GNB1L: variants seen among roughly 807,000 people sequenced by gnomAD.
GNB1L encodes guanine nucleotide-binding protein subunit beta-like protein 1.
Under a neutral mutation model 29.1 loss-of-function variants are expected in GNB1L, and 20 were observed. That is an observed-to-expected ratio of 0.69 (90% CI 0.48 to 1.00). The LOEUF is 1.00. GNB1L is among the 50% of genes least tolerant of loss of function. The pLI is 0.00. For synonymous variants in GNB1L, 193 were observed against 206.5 expected (o/e 0.93, Z 0.56); for missense variants, 421 against 464.9 (o/e 0.91, Z 0.87).
chr22:19,816,408 C>T lies in GNB1L; in HGVS notation c.255-3961G>A, dbSNP rs1050721294. Among the ~76,000 whole-genome samples, 1 of 152,170 alleles carries T rather than the reference C, an allele frequency of 6.6e-6. No individual in the cohort carries two copies. Among genetic ancestry groups the T allele is most frequent in the Non-Finnish European group, 1.5e-5 (1 of 68,020 alleles). On this transcript the variant is annotated intron_variant, in intron 4 of 7. Coordinates refer to ENST00000329517, the MANE Select transcript of GNB1L (RefSeq NM_053004.3). This position sits in a 1 kb window ranked among gnomAD's most constrained non-coding sequence, Gnocchi z 4.4. ...AGTCCCTGCAGGCTGGCTCAGAATC[C>T]TCTGACGTGGCCATCTGCGAGATGT...
At chr22:19,805,788 AAAAT>A (rs1050000640) in intron 6 of GNB1L, among the ~76,000 whole-genome samples, 11 of 151,800 alleles carry the variant, frequency 7.2e-5, no homozygotes, top group African/African-American at 1.7e-4. Context: ...TCACAAAAAA[AAAAT>A]AAATAAATAA....
rs188182454 is a variant in GNB1L at position 19,849,412 on chromosome 22, A to G, written c.-21+5031T>C. On this transcript the variant is annotated intron_variant, in intron 2 of 7. Transcript: ENST00000329517. ...GGATGGAGTTTCACTCTTGTTGTCC[A>G]GGCTGGAGTGCAATGGCGTGATCTC... 3.8e-3 allele frequency: 2,247 copies of G among 587,350 alleles called. 11 individuals are homozygous for G. Among genetic ancestry groups the G allele is most frequent in the Non-Finnish European group, 4.5e-3 (2,113 of 469,498 alleles). 36.4% of individuals were successfully genotyped at this position (587,350 alleles called of 1,614,324 possible). A position where few individuals can be genotyped will look rare whatever the true frequency, so the allele number is the denominator to read the frequency against.
At chr22:19,819,148 A>C (rs1014118614) in intron 4 of GNB1L, among the ~76,000 whole-genome samples, 10 of 152,102 alleles carry the variant, frequency 6.6e-5, no homozygotes, top group Non-Finnish European at 1.0e-4. Flanking sequence ...ACTGTCCTTC[A>C]CCACACTCAG....
Position 19,821,312 on chromosome 22 carries a change from A to C in GNB1L, c.44T>G (p.Val15Gly). The change falls in exon 3 of 8, where the codon GTC (valine) becomes GGC (glycine). Residue 15 changes from valine to glycine, a missense_variant. Val to Gly is a moderately radical substitution (Grantham distance 109). Transcript: ENST00000329517. Reference sequence around the variant, plus strand: ...CACCGGTGACTGGGTGCCTCGGAGGACAAACTGGGGGTCTGGAGGTGGCGG... The same window carrying C: ...CACCGGTGACTGGGTGCCTCGGAGGCCAAACTGGGGGTCTGGAGGTGGCGG... ...CPPPPPDPQF[V>G]LRGTQSPVHA... 1 of 1,613,284 alleles carries C rather than the reference A, an allele frequency of 6.2e-7. No individual in the cohort carries two copies. Among genetic ancestry groups the C allele is most frequent in the Non-Finnish European group, 8.5e-7 (1 of 1,179,770 alleles).
At chr22:19,852,173 A>C (rs761608833) in intron 2 of GNB1L, 3 of 1,613,996 alleles carry the variant, frequency 1.9e-6, no homozygotes, top group Admixed American at 3.3e-5. Context: ...CGCCTTGTCC[A>C]TCTGCTGCCA....
intron 2 of GNB1L, chr22:19,850,847 C>A: frequency 3.1e-6 from 4 of 1,306,312 alleles, no homozygotes; most frequent in Non-Finnish European, 3.9e-6. Context: ...AAAGATGATG[C>A]AACTATCTGC....
intron 2 of GNB1L, among the ~76,000 whole-genome samples, chr22:19,824,934 G>A (rs905549462): frequency 3.3e-5 from 5 of 152,166 alleles, no homozygotes; most frequent in South Asian, 2.1e-4. Context: ...CTGGGCCCCC[G>A]CCCTGCCCTC....
At chr22:19,850,398 G>A in intron 2 of GNB1L, 1 of 989,918 alleles carries the variant, frequency 1.0e-6, no homozygotes, top group South Asian at 4.7e-5. Context: ...TGCGAGTGCG[G>A]AGTGAGCAGG....
At chr22:19,790,571 G>A (rs1937242701) in intron 7 of GNB1L, among the ~76,000 whole-genome samples, 2 of 152,174 alleles carry the variant, frequency 1.3e-5, no homozygotes, top group Non-Finnish European at 2.9e-5. Context: ...CAGCTGCTTG[G>A]GAGGCAAAGA....
At chr22:19,852,040 A>C (rs772261525) in intron 2 of GNB1L, 1 of 1,614,150 alleles carries the variant, frequency 6.2e-7, no homozygotes, top group Non-Finnish European at 8.5e-7. Context: ...CTGCAGGTTT[A>C]CCGCCACAAG....
chr22:19,789,669 T>C (rs12167092), intron 7 of GNB1L, among the ~76,000 whole-genome samples: 3,140 of 151,738 alleles, frequency 0.021, 89 homozygotes, highest in African/African-American at 0.066. Context: ...GCCGTCGGGG[T>C]GCTGGCCTCT....
Position 19,844,682 on chromosome 22 carries a change from C to T in GNB1L, c.-21+9761G>A, listed in dbSNP as rs145024092. Among the ~76,000 whole-genome samples, 212 of 152,292 alleles carry T rather than the reference C, an allele frequency of 1.4e-3. 2 individuals are homozygous for T. The East Asian group carries it at 0.033, about 24-fold the overall frequency. On this transcript the variant is annotated intron_variant, in intron 2 of 7. Coordinates refer to ENST00000329517, the MANE Select transcript of GNB1L (RefSeq NM_053004.3). Reference sequence around the variant, plus strand: ...CGCTGTGGCTGGGGATGTCCGTCGCCCCAGGAGCGGGTCCCAGGAGCCTGG... The same window carrying T: ...CGCTGTGGCTGGGGATGTCCGTCGCTCCAGGAGCGGGTCCCAGGAGCCTGG...
intron 7 of GNB1L, among the ~76,000 whole-genome samples, chr22:19,796,911 A>G (rs1345968854): frequency 6.6e-6 from 1 of 152,198 alleles, no homozygotes; most frequent in African/African-American, 2.4e-5. Flanking sequence ...AAACGCATAC[A>G]AGACTGATCA....
chr22:19,818,315 A>G (rs947353973), intron 4 of GNB1L, among the ~76,000 whole-genome samples: 3 of 152,258 alleles, frequency 2.0e-5, no homozygotes, highest in African/African-American at 7.2e-5. Context: ...ATTGTGGCTG[A>G]AAACTCAGGA....
intron 2 of GNB1L, among the ~76,000 whole-genome samples, chr22:19,839,270 A>G (rs1218938007): frequency 6.6e-6 from 1 of 152,126 alleles, no homozygotes; most frequent in African/African-American, 2.4e-5. Flanking sequence ...TAATAAAGAT[A>G]ATAACAATAA....
At position 19,820,657 on chromosome 22, in the gene GNB1L, G is replaced by A; in HGVS notation, c.195C>T (p.Gly65=). Residue 65 remains glycine, a synonymous_variant, in exon 4 of 8, where the codon GGC becomes GGT. Coordinates refer to ENST00000329517, the MANE Select transcript of GNB1L (RefSeq NM_053004.3). The stretch of plus-strand genomic sequence containing the variant: ...GCCAGGTCACACACTGGCCGCCGTG[G>A]CCATCCAGGGTGGTAACCGCTCTCC... The part of the protein sequence containing the change: ...QTRRAVTTLD[G]HGGQCVTWLQ... The A allele has an allele frequency of 6.2e-7, 1 of 1,613,460 alleles. No homozygotes were observed. The highest frequency in any genetic ancestry group is 8.5e-7 in the Non-Finnish European group (1 of 1,179,878).
At chr22:19,806,550 G>C (rs1937436731) in intron 6 of GNB1L, 109 bp downstream of exon 6, 1 of 672,312 alleles carries the variant, frequency 1.5e-6, no homozygotes, top group South Asian at 1.8e-5. Context: ...GCGGCAGGGG[G>C]GTGGGGTGTT....
At position 19,788,198 on chromosome 22, in the gene GNB1L, C is replaced by G; in HGVS notation, c.*511G>C. The G allele has an allele frequency of 4.2e-6, 1 of 239,314 alleles. No individual in the cohort carries two copies. Among genetic ancestry groups the G allele is most frequent in the Admixed American group, 5.1e-5 (1 of 19,784 alleles). The allele number at this position is 239,314 out of a possible 1,614,324, so 14.8% of individuals were successfully genotyped here. A position where few individuals can be genotyped will look rare whatever the true frequency, so the allele number is the denominator to read the frequency against. ...CAACCTGTGTGTTGGGAGCTCCTGG[C>G]CTCCTCGGGGTGAGGGGTCATGTGG... On this transcript the variant is annotated 3_prime_UTR_variant, in exon 8 of 8. Coordinates refer to ENST00000329517, the MANE Select transcript of GNB1L (RefSeq NM_053004.3).
rs541899388 is a variant in GNB1L, at chr22:19,805,568, G to T, written c.516+1091C>A. ...GAGGCCGAAGCGGGCGGATCACGAG[G>T]TCAGGAGATGGAGACCATCCTGGCT... On this transcript the variant is annotated intron_variant, in intron 6 of 7. Coordinates refer to ENST00000329517, the MANE Select transcript of GNB1L (RefSeq NM_053004.3). Among the ~76,000 whole-genome samples the T allele has an allele frequency of 5.2e-4, 79 of 152,220 alleles. 1 individual carries two copies. In the South Asian group the frequency reaches 0.016, roughly 32 times the overall value.
Sources: allele counts gnomAD v4.1 joint callset (sites outside exome capture counted in the v4.1 genomes callset), GRCh38; gene constraint gnomAD v4.1.1; non-coding constraint Gnocchi (gnomAD v3.1); transcripts MANE v1.5; gene names NCBI Gene and HGNC (gene_info 2026-07-23, HGNC 2026-07-21).